MFSD6: variants seen among roughly 807,000 people sequenced by gnomAD.
MFSD6 encodes major facilitator superfamily domain-containing protein 6.
MFSD6 carries 26 observed loss-of-function variants against 56.3 expected under a neutral mutation model. That is an observed-to-expected ratio of 0.46 (90% CI 0.34 to 0.64). The LOEUF is 0.64. Among genes scored for constraint, MFSD6 ranks in the 30% least tolerant of loss-of-function variants. The pLI is 0.01. For synonymous variants in MFSD6, 331 were observed against 366.9 expected (o/e 0.90, Z 1.12); for missense variants, 750 against 986.2 (o/e 0.76, Z 3.21).
chr2:190,442,464 T>C (rs982591318), intron 3 of MFSD6: 16 of 152,096 alleles, frequency 1.1e-4, no homozygotes, highest in African/African-American at 3.9e-4. Flanking sequence ...GATTTTCATA[T>C]GTTCCTCCCT....
chr2:190,473,353 A>G (rs553998363), intron 4 of MFSD6, among the ~76,000 whole-genome samples: 1 of 152,238 alleles, frequency 6.6e-6, no homozygotes, highest in African/African-American at 2.4e-5. Flanking sequence ...TCTCACGTGC[A>G]GAAACACACA....
chr2:190,423,515 T>A lies in MFSD6; in HGVS notation c.-54+8102T>A, dbSNP rs1374543385. ...TCCCATAGTAAAGCTGTAGTACAAT[T>A]TGTTTAATTAGTCCTTCCATCCTTT... On this transcript the variant is annotated intron_variant, in intron 2 of 7. Coordinates refer to ENST00000392328, the MANE Select transcript of MFSD6 (RefSeq NM_017694.4). The surrounding 1 kb of genome is among the most constrained non-coding windows in gnomAD (Gnocchi z 4.3). 6.6e-6 allele frequency among the ~76,000 whole-genome samples: 1 copy of A among 152,230 alleles called. No homozygotes were observed. The highest frequency in any genetic ancestry group is 1.5e-5 in the Non-Finnish European group (1 of 68,040).
Position 190,491,432 on chromosome 2 carries a change from A to G in MFSD6, c.1891+1566A>G, listed in dbSNP as rs1181836104. 1.3e-5 allele frequency among the ~76,000 whole-genome samples: 2 copies of G among 152,188 alleles called. No homozygotes were observed. The highest frequency in any genetic ancestry group is 4.8e-5 in the African/African-American group (2 of 41,442). ...CCTGGAGGACCTGAGAGACAGGCCA[A>G]ATATTGGGCTGGTATCCAGCTGAGA... On this transcript the variant is annotated intron_variant, in intron 6 of 7. Transcript: ENST00000392328. This position sits in a 1 kb window ranked among gnomAD's most constrained non-coding sequence, Gnocchi z 4.2.
intron 1 of MFSD6, among the ~76,000 whole-genome samples, chr2:190,414,242 A>G (rs1184806308): frequency 6.6e-6 from 1 of 152,102 alleles, no homozygotes; most frequent in Non-Finnish European, 1.5e-5. Context: ...CTATGTAACA[A>G]ACCCACATGT....
At chr2:190,455,530 C>G (rs1686984379) in intron 3 of MFSD6, among the ~76,000 whole-genome samples, 1 of 152,096 alleles carries the variant, frequency 6.6e-6, no homozygotes, top group African/African-American at 2.4e-5. Flanking sequence ...TCTGCACGAC[C>G]CTGGCAACTT....
At position 190,497,985 on chromosome 2, in the gene MFSD6, T is replaced by C. The variant is rs185498978; in HGVS notation, c.2172+266T>C. 3.2e-6 allele frequency: 1 copy of C among 314,386 alleles called. No homozygotes were observed. Among genetic ancestry groups the C allele is most frequent in the Admixed American group, 4.5e-5 (1 of 22,232 alleles). The allele number at this position is 314,386 out of a possible 1,614,324, so 19.5% of individuals were successfully genotyped here. A position where few individuals can be genotyped will look rare whatever the true frequency, so the allele number is the denominator to read the frequency against. ...CACTTCTTGAAAGAAATAAAATAAA[T>C]TAATCCATTCTTTCATTGTATATTT... On this transcript the variant is annotated intron_variant, in intron 7 of 7. Transcript: ENST00000392328. The surrounding 1 kb of genome is among the most constrained non-coding windows in gnomAD (Gnocchi z 5.2).
In MFSD6 at chr2:190,454,337, T is replaced by C. The variant is rs1441032141; in HGVS notation, c.1533-15421T>C. The stretch of plus-strand genomic sequence containing the variant: ...GATAGAGATAAGAAGCATTTTTCTA[T>C]GGACTGAATGGTGTCCCCCACCTCC... On this transcript the variant is annotated intron_variant, in intron 3 of 7. Coordinates refer to ENST00000392328, the MANE Select transcript of MFSD6 (RefSeq NM_017694.4). This position sits in a 1 kb window ranked among gnomAD's most constrained non-coding sequence, Gnocchi z 4.6. 1.3e-5 allele frequency: 2 copies of C among 152,240 alleles called. No individual in the cohort carries two copies. The highest frequency in any genetic ancestry group is 1.5e-5 in the Non-Finnish European group (1 of 68,026). 9.4% of individuals were successfully genotyped at this position (152,240 alleles called of 1,614,324 possible). A position where few individuals can be genotyped will look rare whatever the true frequency, so the allele number is the denominator to read the frequency against.
intron 4 of MFSD6, among the ~76,000 whole-genome samples, chr2:190,470,656 T>G (rs1687868213): frequency 6.6e-6 from 1 of 152,210 alleles, no homozygotes; most frequent in Non-Finnish European, 1.5e-5. Flanking sequence ...TTCATTAGCT[T>G]TATAGATTGC....
chr2:190,465,487 C>T lies in MFSD6; in HGVS notation c.1533-4271C>T, dbSNP rs1004835185. ...GCCCATAAGATTACTGATTATACAT[C>T]AGTAATCTTATGTATAATCTTATGT... On this transcript the variant is annotated intron_variant, in intron 3 of 7. Transcript: ENST00000392328. This position sits in a 1 kb window ranked among gnomAD's most constrained non-coding sequence, Gnocchi z 4.6. Among the ~76,000 whole-genome samples the T allele has an allele frequency of 6.6e-6, 1 of 151,764 alleles. No homozygotes were observed. The highest frequency in any genetic ancestry group is 2.4e-5 in the African/African-American group (1 of 41,266).
rs924124948 is a variant in MFSD6 at position 190,467,185 on chromosome 2, A to G, written c.1533-2573A>G. Among the ~76,000 whole-genome samples, 2 of 152,200 alleles carry G rather than the reference A, an allele frequency of 1.3e-5. No individual in the cohort carries two copies. Among genetic ancestry groups the G allele is most frequent in the African/African-American group, 2.4e-5 (1 of 41,452 alleles). On this transcript the variant is annotated intron_variant, in intron 3 of 7. Coordinates refer to ENST00000392328, the MANE Select transcript of MFSD6 (RefSeq NM_017694.4). The surrounding 1 kb of genome is among the most constrained non-coding windows in gnomAD (Gnocchi z 5.5). The stretch of plus-strand genomic sequence containing the variant: ...GAATGAGTTAGACCACTGGTTCTCC[A>G]CCCTGGCTCAGTAAGAGAACAACCT...
At position 190,413,128 on chromosome 2, in the gene MFSD6, A is replaced by G. The variant is rs1303200253; in HGVS notation, c.-175-2164A>G. ...TCAGCACCAACAAAAACTACATCCC[A>G]ATGTTGTATGTATTCAAAGTAGCCT... On this transcript the variant is annotated intron_variant, in intron 1 of 7. Transcript: ENST00000392328. The surrounding 1 kb of genome is among the most constrained non-coding windows in gnomAD (Gnocchi z 4.1). Among the ~76,000 whole-genome samples, 1 of 152,108 alleles carries G rather than the reference A, an allele frequency of 6.6e-6. No homozygotes were observed. The highest frequency in any genetic ancestry group is 1.5e-5 in the Non-Finnish European group (1 of 68,016).
chr2:190,466,535 A>G (rs1176109999), intron 3 of MFSD6, among the ~76,000 whole-genome samples: 3 of 152,214 alleles, frequency 2.0e-5, no homozygotes, highest in African/African-American at 4.8e-5. Context: ...TTTGTCAGAA[A>G]CCAAAGAGTA....
At chr2:190,427,604 G>A (rs1191822544) in intron 2 of MFSD6, among the ~76,000 whole-genome samples, 3 of 151,990 alleles carry the variant, frequency 2.0e-5, no homozygotes, top group African/African-American at 4.8e-5. Context: ...GCCTTTTTTT[G>A]TCTATCTTTC....
At chr2:190,484,391 T>G (rs535181598) in intron 4 of MFSD6, among the ~76,000 whole-genome samples, 2 of 152,370 alleles carry the variant, frequency 1.3e-5, no homozygotes, top group South Asian at 4.1e-4. Context: ...TTCACAGTTC[T>G]CTAATAACTA....
intron 3 of MFSD6, among the ~76,000 whole-genome samples, chr2:190,446,541 T>C (rs947665744): frequency 6.6e-6 from 1 of 152,046 alleles, no homozygotes; most frequent in Non-Finnish European, 1.5e-5. Flanking sequence ...GGGATCTGAG[T>C]TGGAAAAAAA....
In MFSD6 at chr2:190,501,997, TCTGATTTATTCCTTTGAAAAGCCTG is replaced by T. The variant is rs1329766701; in HGVS notation, c.*1783_*1807del. On this transcript the variant is annotated 3_prime_UTR_variant, in exon 8 of 8. Transcript: ENST00000392328. Reference sequence around the variant, plus strand: ...TTGTACTGTATCTTGTGTTTACAGTTCTGATTTATTCCTTTGAAAAGCCTGCTGTTTTGGAAATGCACAGTTGACA... The same window carrying T: ...TTGTACTGTATCTTGTGTTTACAGTTCTGTTTTGGAAATGCACAGTTGACA... 1 of 152,672 alleles carries T rather than the reference TCTGATTTATTCCTTTGAAAAGCCTG, an allele frequency of 6.5e-6. No homozygotes were observed. Among genetic ancestry groups the T allele is most frequent in the Non-Finnish European group, 1.5e-5 (1 of 68,050 alleles). The allele number at this position is 152,672 out of a possible 1,614,324, so 9.5% of individuals were successfully genotyped here. A position where few individuals can be genotyped will look rare whatever the true frequency, so the allele number is the denominator to read the frequency against.
intron 4 of MFSD6, among the ~76,000 whole-genome samples, chr2:190,476,545 CAG>C (rs1424361208): frequency 1.3e-5 from 2 of 152,128 alleles, no homozygotes; most frequent in Non-Finnish European, 1.5e-5. Flanking sequence ...ATTAAAAAGT[CAG>C]GGAACAACAG....
chr2:190,472,510 A>G (rs894163694), intron 4 of MFSD6, among the ~76,000 whole-genome samples: 2 of 152,226 alleles, frequency 1.3e-5, no homozygotes, highest in Admixed American at 1.3e-4. Context: ...AAATGAATGA[A>G]ATGAAGTGAG....
intron 1 of MFSD6, among the ~76,000 whole-genome samples, chr2:190,414,928 G>T (rs1690713385): frequency 6.6e-6 from 1 of 152,114 alleles, no homozygotes; most frequent in Non-Finnish European, 1.5e-5. Context: ...CGAGAGGTTT[G>T]TGTCCTGCTC....
Sources: gnomAD v4.1 joint callset for allele counts (sites outside exome capture counted in the v4.1 genomes callset) on GRCh38, gnomAD v4.1.1 for gene constraint, Gnocchi (gnomAD v3.1) non-coding constraint, MANE v1.5 for transcripts, NCBI Gene and HGNC (gene_info 2026-07-23, HGNC 2026-07-21) for gene names.